HHLA1: variants seen among roughly 807,000 people sequenced by gnomAD.
HHLA1 encodes the protein HHLA1 neighbor of OC90, also known as HERV-H LTR-associating protein 1.
Under a neutral mutation model 69.9 loss-of-function variants are expected in HHLA1, and 72 were observed. That is an observed-to-expected ratio of 1.03 (90% confidence interval 0.85 to 1.25). The LOEUF (loss-of-function observed/expected upper bound fraction) is 1.25, where lower values mean the gene tolerates loss of function less well. Among genes scored for constraint, HHLA1 ranks in the 50% most tolerant of loss-of-function variants. HHLA1 has a pLI of 0.00. For missense variants in HHLA1, 685 were observed against 642.2 expected (o/e 1.07, Z -0.72); for synonymous variants, 252 against 233.2 (o/e 1.08, Z -0.73).
At chr8:132,095,808 A>G in intron 5 of HHLA1, 22 bp from the exon 6 acceptor site, 1 of 1,465,098 alleles carries the variant, frequency 6.8e-7, no homozygotes, top group Non-Finnish European at 9.3e-7. Context: ...TACCAGATAA[A>G]GAGACAGACA....
chr8:132,082,313 G>A (rs1459143079), intron 10 of HHLA1, among the ~76,000 whole-genome samples: 1 of 152,240 alleles, frequency 6.6e-6, no homozygotes, highest in Non-Finnish European at 1.5e-5. Flanking sequence ...AGCAGCAGCA[G>A]CCGCTGCACG....
intron 10 of HHLA1, among the ~76,000 whole-genome samples, chr8:132,082,494 G>A (rs1056564894): frequency 1.3e-5 from 2 of 152,088 alleles, no homozygotes; most frequent in African/African-American, 4.8e-5. Context: ...AGTCGGACAT[G>A]ATTGGCAGGG....
intron 5 of HHLA1, among the ~76,000 whole-genome samples, chr8:132,097,510 T>C (rs2130896337): frequency 1.3e-5 from 2 of 152,302 alleles, no homozygotes; most frequent in South Asian, 2.1e-4. Context: ...AAATTAGTCA[T>C]TGGAAGAGTT....
intron 16 of HHLA1, among the ~76,000 whole-genome samples, chr8:132,064,811 G>T (rs1823407702): frequency 6.6e-6 from 1 of 152,124 alleles, no homozygotes; most frequent in African/African-American, 2.4e-5. Context: ...ACAGTGGAGG[G>T]CAGAAAGAAT....
chr8:132,075,353 T>A (rs1227509250), intron 14 of HHLA1, among the ~76,000 whole-genome samples: 3 of 152,174 alleles, frequency 2.0e-5, no homozygotes, highest in African/African-American at 4.8e-5. Context: ...TCACTTTGTA[T>A]CCATTTCTTT....
intron 14 of HHLA1, among the ~76,000 whole-genome samples, chr8:132,073,563 A>T (rs937879704): frequency 2.9e-4 from 44 of 152,348 alleles, no homozygotes; most frequent in African/African-American, 1.1e-3. Context: ...AGAGGGTCTG[A>T]GTAACTCTGC....
At chr8:132,097,776 A>G (rs1210433932) in intron 5 of HHLA1, among the ~76,000 whole-genome samples, 1 of 152,198 alleles carries the variant, frequency 6.6e-6, no homozygotes, top group Admixed American at 6.5e-5. Context: ...GGCAGGAGCT[A>G]TATCTCTGTA....
chr8:132,079,150 T>A (rs1222931439), intron 11 of HHLA1, among the ~76,000 whole-genome samples: 1 of 152,210 alleles, frequency 6.6e-6, no homozygotes, highest in Non-Finnish European at 1.5e-5. Flanking sequence ...ACACTGCTGA[T>A]CATGTACGCA....
chr8:132,069,146 T>G (rs1563739575), intron 15 of HHLA1, among the ~76,000 whole-genome samples: 1 of 152,162 alleles, frequency 6.6e-6, no homozygotes, highest in African/African-American at 2.4e-5. Context: ...GCAGCTACAT[T>G]GAACATCTCA....
intron 3 of HHLA1, among the ~76,000 whole-genome samples, chr8:132,101,442 C>T (rs2130899113): frequency 6.6e-6 from 1 of 152,276 alleles, no homozygotes; most frequent in South Asian, 2.1e-4. Context: ...GGGCTAGTGG[C>T]TAAGATAAAA....
At chr8:132,094,033 G>A (rs1455006271) in intron 7 of HHLA1, among the ~76,000 whole-genome samples, 2 of 152,136 alleles carry the variant, frequency 1.3e-5, no homozygotes, top group Non-Finnish European at 2.9e-5. Flanking sequence ...ACAGGGAAGA[G>A]TTTACGCACA....
At chr8:132,067,243 G>A (rs1315855500) in intron 15 of HHLA1, among the ~76,000 whole-genome samples, 2 of 152,164 alleles carry the variant, frequency 1.3e-5, no homozygotes, top group Non-Finnish European at 2.9e-5. Context: ...GGGAGGGGGA[G>A]AAATTCCCTG....
intron 11 of HHLA1, among the ~76,000 whole-genome samples, chr8:132,078,376 G>A (rs1823684139): frequency 6.6e-6 from 1 of 152,152 alleles, no homozygotes; most frequent in African/African-American, 2.4e-5. Flanking sequence ...CCTCCATGGT[G>A]TGAACTTTGG....
chr8:132,087,982 G>A, intron 8 of HHLA1, 81 bp from the exon 9 acceptor site: 1 of 1,039,116 alleles, frequency 9.6e-7, no homozygotes, highest in East Asian at 2.6e-5. Flanking sequence ...AAATTAAGTT[G>A]AAAGTACCTA....
intron 15 of HHLA1, chr8:132,070,255 T>G (rs1454329749): frequency 2.9e-6 from 2 of 694,496 alleles, no homozygotes; most frequent in Admixed American, 2.0e-5. Flanking sequence ...AATAACAGTA[T>G]GTCAGCATTG....
At chr8:132,102,225 C>A (rs756071163) in intron 3 of HHLA1, among the ~76,000 whole-genome samples, 2 of 152,210 alleles carry the variant, frequency 1.3e-5, no homozygotes, top group Non-Finnish European at 2.9e-5. Context: ...TACCACATTT[C>A]CTTTTCCTGT....
rs189127891 is a variant in HHLA1, at chr8:132,069,018, G to A, written c.1469+2322C>T. On this transcript the variant is annotated intron_variant, in intron 15 of 16. Transcript: ENST00000414222. ...GAGGGAGTAGAAAGCTTGGAGAAGG[G>A]ACAGATGGAGCTCTAGAGTGAAAGT... Among the ~76,000 whole-genome samples the A allele has an allele frequency of 3.9e-5, 6 of 152,298 alleles. No individual in the cohort carries two copies. The East Asian group carries it at 1.2e-3, about 29-fold the overall frequency.
At chr8:132,069,355 G>A (rs757201387) in intron 15 of HHLA1, among the ~76,000 whole-genome samples, 1 of 151,606 alleles carries the variant, frequency 6.6e-6, no homozygotes, top group African/African-American at 2.4e-5. Flanking sequence ...TCCCACCAGT[G>A]TTTTTTTTGT....
At chr8:132,095,439 T>G in intron 7 of HHLA1, 80 bp downstream of exon 7, 1 of 879,490 alleles carries the variant, frequency 1.1e-6, no homozygotes, top group Non-Finnish European at 1.8e-6. Context: ...CTGTCTTACA[T>G]TGAGGAAAAA....
Sources: gnomAD v4.1 joint callset for allele counts (sites outside exome capture counted in the v4.1 genomes callset) on GRCh38, gnomAD v4.1.1 for gene constraint, MANE v1.5 for transcripts, NCBI Gene and HGNC (gene_info 2026-07-23, HGNC 2026-07-21) for gene names.